SPNS1: variants seen among roughly 807,000 people sequenced by gnomAD.
SPNS1 encodes the protein SPNS lysolipid transporter 1, lysophospholipid.
A neutral mutation model predicts 50.3 loss-of-function variants in SPNS1; 22 were observed. The observed-to-expected ratio is 0.44, with a 90% confidence interval of 0.31 to 0.62. SPNS1 has a LOEUF of 0.62. Among genes scored for constraint, SPNS1 ranks in the 20% least tolerant of loss-of-function variants. SPNS1 has a pLI of 0.07. For missense variants in SPNS1, 576 were observed against 728.6 expected (o/e 0.79, Z 2.41); for synonymous variants, 295 against 317.4 (o/e 0.93, Z 0.75).
intron 3 of SPNS1, chr16:28,978,388 GAGC>G (rs1245472813): frequency 4.7e-6 from 1 of 213,536 alleles, no homozygotes; most frequent in Non-Finnish European, 9.5e-6. Context: ...GTGGGTAAAA[GAGC>G]AGCCGGGGAG....
chr16:28,979,131 C>G (rs780270069), intron 3 of SPNS1, 24 bp from the exon 4 acceptor site: 14 of 1,606,608 alleles, frequency 8.7e-6, no homozygotes, highest in Non-Finnish European at 1.1e-5. Context: ...TGGGGTGCCA[C>G]CTCTCCCCGG....
Position 28,983,736 on chromosome 16 carries a change from T to C in SPNS1, c.1321-50T>C, listed in dbSNP as rs11859822. 105,966 of 1,517,496 alleles carry C rather than the reference T, an allele frequency of 0.07. 21,193 individuals are homozygous for C. Among genetic ancestry groups the C allele is most frequent in the African/African-American group, 0.62 (44,680 of 72,284 alleles). 94.0% of individuals were successfully genotyped at this position (1,517,496 alleles called of 1,614,324 possible). A position where few individuals can be genotyped will look rare whatever the true frequency, so the allele number is the denominator to read the frequency against. On this transcript the variant is annotated intron_variant, in intron 10 of 11. Coordinates refer to ENST00000311008, the MANE Select transcript of SPNS1 (RefSeq NM_032038.3). This position sits in a 1 kb window ranked among gnomAD's most constrained non-coding sequence, Gnocchi z 5.4. ...GAGCTCAGGGGCGTGCCCTCCCTGG[T>C]TCATCCATGAGGCTGACTCCCCTGG...
At chr16:28,975,604 C>T in intron 2 of SPNS1, 47 bp downstream of exon 2, 1 of 1,608,222 alleles carries the variant, frequency 6.2e-7, no homozygotes, top group Non-Finnish European at 8.5e-7. Flanking sequence ...TCCTTCTGTT[C>T]TGTCTCAAGT....
chr16:28,979,340 G>C, intron 4 of SPNS1, 34 bp downstream of exon 4: 1 of 1,614,162 alleles, frequency 6.2e-7, no homozygotes, highest in Non-Finnish European at 8.5e-7. Context: ...GAAGGCAGAA[G>C]GGCCTGGTGT....
At chr16:28,979,379 C>T (rs753548181) in intron 4 of SPNS1, 26 bp from the exon 5 acceptor site, 76 of 1,613,966 alleles carry the variant, frequency 4.7e-5, no homozygotes, top group Non-Finnish European at 6.0e-5. Context: ...GCTGTCCCCC[C>T]TTTTTCCCCT....
Position 28,983,902 on chromosome 16 carries a change from G to C in SPNS1, c.1437G>C (p.Leu479=), listed in dbSNP as rs755475291. ...GGGCACTGGGCGGCGCAGCCTTCCT[G>C]GGCACCGCCATCTTCATTGAGGCCG... ...FVGALGGAAF[L]GTAIFIEADR... Residue 479 remains leucine, a synonymous_variant, in exon 11 of 12, where the codon CTG becomes CTC. Coordinates refer to ENST00000311008, the MANE Select transcript of SPNS1 (RefSeq NM_032038.3). The surrounding 1 kb of genome is among the most constrained non-coding windows in gnomAD (Gnocchi z 5.4). The C allele has an allele frequency of 6.2e-7, 1 of 1,600,188 alleles. No homozygotes were observed. The highest frequency in any genetic ancestry group is 8.5e-7 in the Non-Finnish European group (1 of 1,178,676).
chr16:28,975,655 G>A (rs1965317249), intron 2 of SPNS1, 98 bp downstream of exon 2: 4 of 1,393,654 alleles, frequency 2.9e-6, no homozygotes, highest in South Asian at 2.4e-5. Flanking sequence ...ATTAATGGAG[G>A]TTTTGTGGCC....
Position 28,983,340 on chromosome 16 carries a change from G to T in SPNS1, c.1320+50G>T. The T allele has an allele frequency of 6.8e-7, 1 of 1,476,980 alleles. No individual in the cohort carries two copies. 91.5% of individuals were successfully genotyped at this position (1,476,980 alleles called of 1,614,324 possible). On this transcript the variant is annotated intron_variant, in intron 10 of 11. Coordinates refer to ENST00000311008, the MANE Select transcript of SPNS1 (RefSeq NM_032038.3). The surrounding 1 kb of genome is among the most constrained non-coding windows in gnomAD (Gnocchi z 5.4). Reference sequence around the variant, plus strand: ...TGGGGTGGCTGGTGTCCTGAGCCTGGGCTGGATCAGAAGGCCTGGCCCTAG... The same window carrying T: ...TGGGGTGGCTGGTGTCCTGAGCCTGTGCTGGATCAGAAGGCCTGGCCCTAG...
chr16:28,984,553 C>T (rs1312920474), downstream of SPNS1: 2 of 619,468 alleles, frequency 3.2e-6, no homozygotes, highest in Non-Finnish European at 5.8e-6. Context: ...ACCCCAGGTG[C>T]CTGCTCTCGT....
chr16:28,983,442 A>G lies in SPNS1; in HGVS notation c.1320+152A>G, dbSNP rs1052639808. 3 of 694,226 alleles carry G rather than the reference A, an allele frequency of 4.3e-6. No homozygotes were observed. Among genetic ancestry groups the G allele is most frequent in the African/African-American group, 3.6e-5 (2 of 55,990 alleles). 43.0% of individuals were successfully genotyped at this position (694,226 alleles called of 1,614,324 possible). Reference sequence around the variant, plus strand: ...TGGAGGAGAAAGATTTTGTCTTTGAATATTTCTACCAGTAAGGCCAGGGAC... The same window carrying G: ...TGGAGGAGAAAGATTTTGTCTTTGAGTATTTCTACCAGTAAGGCCAGGGAC... On this transcript the variant is annotated intron_variant, in intron 10 of 11. Transcript: ENST00000311008. The surrounding 1 kb of genome is among the most constrained non-coding windows in gnomAD (Gnocchi z 5.4).
chr16:28,979,494 G>C, intron 5 of SPNS1, 23 bp downstream of exon 5: 1 of 1,613,538 alleles, frequency 6.2e-7, no homozygotes, highest in Non-Finnish European at 8.5e-7. Flanking sequence ...TTGGCCTGGG[G>C]GTAGGTCAGC....
Position 28,975,091 on chromosome 16 carries a change from C to G in SPNS1, c.-61C>G. ...TCCATCCTCCTTTCTCCAGCCTCCTCCCCTCGCAGGTGGGATCGTCGGTGG... is the reference window on the plus strand; with the variant it reads ...TCCATCCTCCTTTCTCCAGCCTCCTGCCCTCGCAGGTGGGATCGTCGGTGG... On this transcript the variant is annotated 5_prime_UTR_variant, in exon 1 of 12. Coordinates refer to ENST00000311008, the MANE Select transcript of SPNS1 (RefSeq NM_032038.3). The G allele has an allele frequency of 6.9e-7, 1 of 1,444,216 alleles. No homozygotes were observed. The highest frequency in any genetic ancestry group is 9.1e-7 in the Non-Finnish European group (1 of 1,103,534). The allele number at this position is 1,444,216 out of a possible 1,614,324, so 89.5% of individuals were successfully genotyped here. A position where few individuals can be genotyped will look rare whatever the true frequency, so the allele number is the denominator to read the frequency against.
At chr16:28,984,058 T>C in intron 11 of SPNS1, 101 bp downstream of exon 11, 1 of 1,459,232 alleles carries the variant, frequency 6.9e-7, no homozygotes, top group Admixed American at 2.4e-5. Flanking sequence ...TCCACAGCCC[T>C]CCCCTTGTTT....
At position 28,982,339 on chromosome 16, in the gene SPNS1, C is replaced by T. The variant is rs1400593432; in HGVS notation, c.966-17C>T. ...AGGCACAGGGACAAACCCCCCATTC[C>T]CTTCCCTCACCCCTAGTCTCATCTT... On this transcript the variant is annotated splice_polypyrimidine_tract_variant and intron_variant, in intron 7 of 11. Transcript: ENST00000311008. The T allele has an allele frequency of 7.1e-6, 11 of 1,552,356 alleles. No homozygotes were observed. The Admixed American group carries it at 2.1e-4, about 29-fold the overall frequency.
chr16:28,977,847 T>C (rs1965397661), intron 2 of SPNS1, 61 bp from the exon 3 acceptor site: 1 of 1,589,780 alleles, frequency 6.3e-7, no homozygotes, highest in African/African-American at 1.3e-5. Context: ...TGGTTCCAGC[T>C]GGGGTGGGAG....
Position 28,975,526 on chromosome 16 carries a change from C to A in SPNS1, c.276C>A (p.Ile92=), listed in dbSNP as rs1965312650. 1.9e-6 allele frequency: 3 copies of A among 1,614,132 alleles called. No individual in the cohort carries two copies. The South Asian group carries it at 3.3e-5, about 18-fold the overall frequency. ...VLPDIEQFFN[I]GDSSSGLIQT... Reference sequence around the variant, plus strand: ...CCGACATCGAGCAGTTCTTCAACATCGGGGACAGTAGCTCTGGGCTCATCC... The same window carrying A: ...CCGACATCGAGCAGTTCTTCAACATAGGGGACAGTAGCTCTGGGCTCATCC... Residue 92 remains isoleucine (I), a synonymous_variant, in exon 2 of 12, where the codon ATC becomes ATA. Coordinates refer to ENST00000311008, the MANE Select transcript of SPNS1 (RefSeq NM_032038.3).
In SPNS1 at chr16:28,981,183, T is replaced by C. The variant is rs995337025; in HGVS notation, c.664-287T>C. On this transcript the variant is annotated intron_variant, in intron 5 of 11. Transcript: ENST00000311008. The surrounding 1 kb of genome is among the most constrained non-coding windows in gnomAD (Gnocchi z 4.2). ...GCTGGGGTGGTTAACAGTCCTCTTG[T>C]TGGCCAAGCCTGGGATCCTATTTAA... Among the ~76,000 whole-genome samples the C allele has an allele frequency of 1.8e-4, 27 of 152,160 alleles. No individual in the cohort carries two copies. Among genetic ancestry groups the C allele is most frequent in the African/African-American group, 6.0e-4 (25 of 41,436 alleles).
Position 28,983,415 on chromosome 16 carries a change from A to G in SPNS1, c.1320+125A>G. Reference sequence around the variant, plus strand: ...GGGCACTTCTCACCTTCCATTGTCAACTGGAGGAGAAAGATTTTGTCTTTG... The same window carrying G: ...GGGCACTTCTCACCTTCCATTGTCAGCTGGAGGAGAAAGATTTTGTCTTTG... On this transcript the variant is annotated intron_variant, in intron 10 of 11. Transcript: ENST00000311008. The surrounding 1 kb of genome is among the most constrained non-coding windows in gnomAD (Gnocchi z 5.4). 1.3e-6 allele frequency: 1 copy of G among 757,300 alleles called. No homozygotes were observed. The highest frequency in any genetic ancestry group is 2.7e-5 in the East Asian group (1 of 37,734). 46.9% of individuals were successfully genotyped at this position (757,300 alleles called of 1,614,324 possible). A position where few individuals can be genotyped will look rare whatever the true frequency, so the allele number is the denominator to read the frequency against.
intron 2 of SPNS1, among the ~76,000 whole-genome samples, chr16:28,975,914 T>A (rs1383111168): frequency 1.3e-5 from 2 of 152,172 alleles, no homozygotes; most frequent in Admixed American, 1.3e-4. Flanking sequence ...ATGTGAAGAT[T>A]AACTAAAAGA....
Sources: gnomAD v4.1 joint callset for allele counts (sites outside exome capture counted in the v4.1 genomes callset) on GRCh38, gnomAD v4.1.1 for gene constraint, Gnocchi (gnomAD v3.1) non-coding constraint, MANE v1.5 for transcripts, NCBI Gene and HGNC (gene_info 2026-07-23, HGNC 2026-07-21) for gene names.